The following ENTPD1 variants were observed in gnomAD, a reference collection of about 807,000 sequenced individuals.
ENTPD1 encodes the protein ATP diphosphohydrolase.
A neutral mutation model predicts 57.0 loss-of-function variants in ENTPD1; 33 were observed. That is an observed-to-expected ratio of 0.58 (90% CI 0.44 to 0.77). ENTPD1 has a LOEUF of 0.77. Ranked by LOEUF, ENTPD1 falls within the 30% of genes least tolerant of loss-of-function variation. ENTPD1 has a pLI of 0.00. For synonymous variants in ENTPD1, 202 were observed against 218.8 expected (o/e 0.92, Z 0.68); for missense variants, 501 against 603.4 (o/e 0.83, Z 1.78).
At chr10:95,815,363 C>T (rs569982565) in intron 1 of ENTPD1, among the ~76,000 whole-genome samples, 1 of 152,222 alleles carries the variant, frequency 6.6e-6, no homozygotes, top group South Asian at 2.1e-4. Context: ...CTGAGAAACA[C>T]AGTCTCAGCC....
intron 2 of ENTPD1, among the ~76,000 whole-genome samples, chr10:95,837,432 C>T (rs1357991842): frequency 2.0e-5 from 3 of 152,176 alleles, no homozygotes; most frequent in Non-Finnish European, 4.4e-5. Flanking sequence ...TCCTCTCTGC[C>T]CACAATGGCC....
At chr10:95,860,607 T>G in intron 8 of ENTPD1, 25 bp downstream of exon 8, 4 of 1,593,132 alleles carry the variant, frequency 2.5e-6, no homozygotes, top group Non-Finnish European at 3.4e-6. Context: ...ACAGCAGCTC[T>G]AACAGCATGA....
chr10:95,694,605 G>A, the ENTPD1 span, among the ~76,000 whole-genome samples: 1 of 152,020 alleles, frequency 6.6e-6, no homozygotes, highest in Non-Finnish European at 1.5e-5. Context: ...AAAATAGGGA[G>A]AGAAAGAATA....
chr10:95,806,846 C>T (rs905733455), intron 1 of ENTPD1, among the ~76,000 whole-genome samples: 3 of 152,212 alleles, frequency 2.0e-5, no homozygotes, highest in Non-Finnish European at 4.4e-5. Context: ...TATTGCACAA[C>T]AGCAAATATT....
chr10:95,743,322 A>T (rs1005632062), intron 1 of ENTPD1, among the ~76,000 whole-genome samples: 1 of 152,190 alleles, frequency 6.6e-6, no homozygotes, highest in Non-Finnish European at 1.5e-5. Flanking sequence ...TGTGTTATCA[A>T]CATGATTTAT....
intron 2 of ENTPD1, among the ~76,000 whole-genome samples, chr10:95,830,476 A>G (rs2098392779): frequency 6.6e-6 from 1 of 152,114 alleles, no homozygotes; most frequent in African/African-American, 2.4e-5. Flanking sequence ...CAATTAAATC[A>G]TCTTTGGAGG....
At chr10:95,762,232 T>C (rs1457462051) in intron 1 of ENTPD1, among the ~76,000 whole-genome samples, 1 of 142,398 alleles carries the variant, frequency 7.0e-6, no homozygotes, top group South Asian at 2.2e-4. Flanking sequence ...AAAAAAGAAG[T>C]GTTTCCTTTT....
At chr10:95,733,371 A>G (rs1006254828) in intron 1 of ENTPD1, among the ~76,000 whole-genome samples, 6 of 152,192 alleles carry the variant, frequency 3.9e-5, no homozygotes, top group African/African-American at 1.4e-4. Flanking sequence ...TTAAACACAC[A>G]TGGTTACAAA....
At chr10:95,742,943 GATT>G (rs1385560564) in intron 1 of ENTPD1, among the ~76,000 whole-genome samples, 1 of 152,178 alleles carries the variant, frequency 6.6e-6, no homozygotes, top group Non-Finnish European at 1.5e-5. Context: ...CCAGTTCCCT[GATT>G]ATTAACATCT....
chr10:95,802,905 A>C (rs1247764232), intron 1 of ENTPD1, among the ~76,000 whole-genome samples: 1 of 152,184 alleles, frequency 6.6e-6, no homozygotes, highest in African/African-American at 2.4e-5. Flanking sequence ...TAGTGCCGCA[A>C]TAAACATACG....
upstream of ENTPD1, among the ~76,000 whole-genome samples, chr10:95,752,307 G>A (rs891704379): frequency 1.3e-5 from 2 of 152,146 alleles, no homozygotes; most frequent in African/African-American, 4.8e-5. Context: ...TGTTTGTGAA[G>A]GAGCTGTTTT....
upstream of ENTPD1, among the ~76,000 whole-genome samples, chr10:95,711,556 C>T (rs747727217): frequency 1.2e-4 from 18 of 152,178 alleles, no homozygotes; most frequent in Non-Finnish European, 2.4e-4. Context: ...AGCTGGAGCT[C>T]GGTGGCACAA....
At position 95,798,339 on chromosome 10, in the gene ENTPD1, T is replaced by A. The variant is rs545417768; in HGVS notation, c.17-24898T>A. Among the ~76,000 whole-genome samples the A allele has an allele frequency of 3.9e-5, 6 of 151,928 alleles. No homozygotes were observed. In the South Asian group the frequency reaches 6.3e-4, roughly 16 times the overall value. On this transcript the variant is annotated intron_variant, in intron 1 of 9. Coordinates refer to ENST00000371205, the MANE Select transcript of ENTPD1 (RefSeq NM_001776.6). ...AAGGCACTTATTGCCAGGAGAATTT[T>A]AAAAAAAAGCAAGTTAGAGAAAGTC...
chr10:95,798,204 C>G (rs1442543467), intron 1 of ENTPD1, among the ~76,000 whole-genome samples: 1 of 152,110 alleles, frequency 6.6e-6, no homozygotes. Flanking sequence ...GATGTGTCCA[C>G]TGGATTTGGC....
the ENTPD1 span, among the ~76,000 whole-genome samples, chr10:95,699,335 T>C: frequency 2.0e-5 from 3 of 152,006 alleles, no homozygotes; most frequent in African/African-American, 7.3e-5. Context: ...TTGGGCCAAG[T>C]GTGGTGGCTC....
At chr10:95,818,836 G>A (rs2098338777) in intron 1 of ENTPD1, among the ~76,000 whole-genome samples, 1 of 152,160 alleles carries the variant, frequency 6.6e-6, no homozygotes, top group Non-Finnish European at 1.5e-5. Context: ...TCCATCATTA[G>A]GCTATGTAAA....
At chr10:95,826,222 C>G (rs1027143691) in intron 2 of ENTPD1, among the ~76,000 whole-genome samples, 1 of 151,938 alleles carries the variant, frequency 6.6e-6, no homozygotes, top group Non-Finnish European at 1.5e-5. Context: ...AAAAATGATA[C>G]TAAAATAATA....
At chr10:95,865,889 T>A (rs897844936) in intron 9 of ENTPD1, among the ~76,000 whole-genome samples, 9 of 151,986 alleles carry the variant, frequency 5.9e-5, no homozygotes, top group Non-Finnish European at 1.5e-5. Flanking sequence ...CCACCCAGGC[T>A]CCCAAATAGC....
chr10:95,756,765 C>T (rs1293114333), intron 1 of ENTPD1: 1 of 149,518 alleles, frequency 6.7e-6, no homozygotes, highest in African/African-American at 2.5e-5. Context: ...GCTGTCACAA[C>T]AGGACCCCAG....
Sources: gnomAD v4.1 joint callset for allele counts (sites outside exome capture counted in the v4.1 genomes callset) on GRCh38, gnomAD v4.1.1 for gene constraint, MANE v1.5 for transcripts, NCBI Gene and HGNC (gene_info 2026-07-23, HGNC 2026-07-21) for gene names.